Variants in FIGLA observed in about 807,000 individuals in gnomAD.
FIGLA encodes folliculogenesis specific bHLH transcription factor.
Under a neutral mutation model 21.5 loss-of-function variants are expected in FIGLA, and 17 were observed. That is an observed-to-expected ratio of 0.79 (90% CI 0.54 to 1.19). The LOEUF (loss-of-function observed/expected upper bound fraction) is 1.19, where lower values mean the gene tolerates loss of function less well. Ranked by LOEUF, FIGLA falls within the 50% of genes most tolerant of loss-of-function variation. FIGLA has a pLI of 0.00. For missense variants in FIGLA, 282 were observed against 285.0 expected (o/e 0.99, Z 0.08); for synonymous variants, 129 against 117.6 (o/e 1.10, Z -0.63).
At chr2:70,778,985 G>A (rs1354299632) in intron 3 of FIGLA, among the ~76,000 whole-genome samples, 1 of 152,140 alleles carries the variant, frequency 6.6e-6, no homozygotes, top group Admixed American at 6.5e-5. Flanking sequence ...CTGTTCCTAT[G>A]ATAATCTGAA....
intron 3 of FIGLA, among the ~76,000 whole-genome samples, chr2:70,782,974 C>T (rs1675882834): frequency 6.6e-6 from 1 of 150,574 alleles, no homozygotes; most frequent in South Asian, 2.1e-4. Context: ...AGGAGAGTTA[C>T]TTGAACCCGG....
At chr2:70,782,329 G>C (rs1675870703) in intron 3 of FIGLA, among the ~76,000 whole-genome samples, 1 of 152,184 alleles carries the variant, frequency 6.6e-6, no homozygotes, top group East Asian at 1.9e-4. Context: ...ATGCATATCT[G>C]AATCTAATCG....
intron 3 of FIGLA, among the ~76,000 whole-genome samples, chr2:70,783,277 C>T (rs1184867728): frequency 6.6e-6 from 1 of 152,144 alleles, no homozygotes; most frequent in Non-Finnish European, 1.5e-5. Context: ...TAACAACAAA[C>T]TTGGTTGGCT....
At chr2:70,777,542 G>A in intron 4 of FIGLA, 95 bp downstream of exon 4, 1 of 1,528,086 alleles carries the variant, frequency 6.5e-7, no homozygotes, top group Non-Finnish European at 8.9e-7. Flanking sequence ...TTTTAATAGA[G>A]CTCATTGCTA....
In FIGLA at chr2:70,790,489, G is replaced by A; in HGVS notation, c.150C>T (p.Pro50=). 3 of 1,543,822 alleles carry A rather than the reference G, an allele frequency of 1.9e-6. No individual in the cohort carries two copies. The highest frequency in any genetic ancestry group is 2.6e-6 in the Non-Finnish European group (3 of 1,146,254). The part of the protein sequence containing the change: ...LAAVCRLKRL[P]SGGYSSTENL... ...TTTCAGTGGACGAGTAGCCGCCCGA[G>A]GGCAGCCGCTTGAGCCGGCAGACAG... is the stretch of plus-strand genomic sequence containing the variant. Residue 50 remains proline (P), a synonymous_variant, in exon 1 of 5, where the codon CCC becomes CCT. Transcript: ENST00000332372.
At chr2:70,780,493 C>A (rs1675835127) in intron 3 of FIGLA, among the ~76,000 whole-genome samples, 1 of 152,168 alleles carries the variant, frequency 6.6e-6, no homozygotes, top group East Asian at 1.9e-4. Context: ...TTACGAGGAT[C>A]CTTTTGTCAA....
At chr2:70,778,702 A>G (rs1558596476) in intron 3 of FIGLA, among the ~76,000 whole-genome samples, 1 of 152,182 alleles carries the variant, frequency 6.6e-6, no homozygotes, top group Non-Finnish European at 1.5e-5. Flanking sequence ...AAGTTTATAA[A>G]TGTTGTCTTT....
chr2:70,780,521 C>T (rs1156386423), intron 3 of FIGLA, among the ~76,000 whole-genome samples: 1 of 152,154 alleles, frequency 6.6e-6, no homozygotes, highest in Non-Finnish European at 1.5e-5. Flanking sequence ...TCAGCCTGAG[C>T]ATCACTTCCT....
intron 1 of FIGLA, 91 bp downstream of exon 1, chr2:70,790,317 T>G: frequency 7.5e-7 from 1 of 1,335,718 alleles, no homozygotes; most frequent in Non-Finnish European, 9.8e-7. Context: ...CGAGCGGGGG[T>G]GGGCGGTGAG....
chr2:70,779,879 G>A (rs1675823354), intron 3 of FIGLA, among the ~76,000 whole-genome samples: 1 of 152,220 alleles, frequency 6.6e-6, no homozygotes, highest in East Asian at 1.9e-4. Flanking sequence ...CCATAACCAC[G>A]AGTGGCAAAT....
chr2:70,785,394 A>G, intron 3 of FIGLA, 21 bp downstream of exon 3: 7 of 1,578,150 alleles, frequency 4.4e-6, no homozygotes, highest in Non-Finnish European at 6.1e-6. Context: ...CTGTATGGGT[A>G]TTTAAGAAGG....
At chr2:70,787,321 T>C (rs1553390178) in intron 2 of FIGLA, among the ~76,000 whole-genome samples, 1 of 152,142 alleles carries the variant, frequency 6.6e-6, no homozygotes, top group East Asian at 1.9e-4. Context: ...AGCCCCCTCC[T>C]ATGTCCAGCT....
intron 3 of FIGLA, among the ~76,000 whole-genome samples, chr2:70,784,501 A>G (rs781844012): frequency 1.3e-5 from 2 of 152,200 alleles, no homozygotes; most frequent in Non-Finnish European, 2.9e-5. Context: ...AGATGGAGAA[A>G]CTGAGGATTA....
chr2:70,778,391 C>CT (rs1284284872), intron 3 of FIGLA, among the ~76,000 whole-genome samples: 22 of 151,528 alleles, frequency 1.5e-4, no homozygotes, highest in South Asian at 6.3e-4. Flanking sequence ...GTATGAGTAG[C>CT]TTTTTTTTTC....
intron 3 of FIGLA, among the ~76,000 whole-genome samples, chr2:70,779,330 C>T (rs1231793458): frequency 3.3e-5 from 5 of 152,180 alleles, no homozygotes; most frequent in Admixed American, 3.3e-4. Flanking sequence ...TGGTGAACCC[C>T]AGGGCAGATG....
At chr2:70,778,597 T>C (rs1464653229) in intron 3 of FIGLA, among the ~76,000 whole-genome samples, 1 of 152,204 alleles carries the variant, frequency 6.6e-6, no homozygotes, top group Non-Finnish European at 1.5e-5. Context: ...TATAGTCTAC[T>C]GCATTTTAGA....
At chr2:70,781,399 C>A (rs1351103997) in intron 3 of FIGLA, among the ~76,000 whole-genome samples, 2 of 152,124 alleles carry the variant, frequency 1.3e-5, no homozygotes, top group Non-Finnish European at 1.5e-5. Context: ...AGAAAGGCTG[C>A]CAGCTTAAGG....
chr2:70,790,024 G>C (rs552040080), intron 1 of FIGLA, among the ~76,000 whole-genome samples: 3 of 152,276 alleles, frequency 2.0e-5, no homozygotes, highest in South Asian at 2.1e-4. Flanking sequence ...ATCCCTGCGC[G>C]TCCCAAGCAC....
rs781871928 is a variant in FIGLA, at chr2:70,785,488, C to A, written c.536G>T (p.Ser179Ile). The part of the protein sequence containing the change: ...EEEGPWADGG[S>I]GEPAHACRHS... ...GCGACAAGCGTGTGCTGGCTCACCA[C>A]TGCCACCATCTGCCCAAGGCCCTTC... The change falls in exon 3 of 5, where the codon AGT (serine) becomes ATT (isoleucine). Residue 179 changes from serine (S) to isoleucine (I), a missense_variant. Ser to Ile is a moderately radical substitution (Grantham distance 142). Transcript: ENST00000332372. The A allele has an allele frequency of 6.2e-7, 1 of 1,614,032 alleles. No homozygotes were observed. Among genetic ancestry groups the A allele is most frequent in the Non-Finnish European group, 8.5e-7 (1 of 1,179,888 alleles).
Sources: allele counts gnomAD v4.1 joint callset (sites outside exome capture counted in the v4.1 genomes callset), GRCh38; gene constraint gnomAD v4.1.1; transcripts MANE v1.5; gene names NCBI Gene and HGNC (gene_info 2026-07-23, HGNC 2026-07-21).